Variants in MANBA observed in about 807,000 individuals in gnomAD.
MANBA encodes mannosidase beta, also known as beta-mannosidase.
In MANBA, 83 loss-of-function variants were observed where a neutral mutation model predicts 111.1. That is an observed-to-expected ratio of 0.75 (90% CI 0.63 to 0.90). The LOEUF (loss-of-function observed/expected upper bound fraction) is 0.90, where lower values mean the gene tolerates loss of function less well. Ranked by LOEUF, MANBA falls within the 40% of genes least tolerant of loss-of-function variation. The probability of loss-of-function intolerance (pLI) is 0.00; values close to 1 mark genes in which losing one functional copy is unlikely to be tolerated. For synonymous variants in MANBA, 370 were observed against 378.7 expected, an observed-to-expected ratio of 0.98 and a Z score of 0.27; for missense variants, 1,036 against 1,069.0, an observed-to-expected ratio of 0.97 and a Z score of 0.43.
intron 14 of MANBA, among the ~76,000 whole-genome samples, chr4:102,638,822 T>C (rs1287262282): frequency 6.6e-6 from 1 of 152,148 alleles, no homozygotes; most frequent in Non-Finnish European, 1.5e-5. Context: ...AATGAAAACA[T>C]GTTTGGAATG....
intron 1 of MANBA, 125 bp downstream of exon 1, chr4:102,760,593 G>A: frequency 9.4e-7 from 1 of 1,065,442 alleles, no homozygotes; most frequent in Non-Finnish European, 1.3e-6. Flanking sequence ...AAGATGCAAA[G>A]GGGAAGTTAC....
intron 5 of MANBA, among the ~76,000 whole-genome samples, chr4:102,711,684 T>A (rs569614779): frequency 3.0e-4 from 45 of 152,196 alleles, no homozygotes; most frequent in African/African-American, 1.0e-3. Flanking sequence ...CTATTCACAA[T>A]AGCAAAGATA....
chr4:102,704,224 CCT>C (rs929833699), intron 5 of MANBA, among the ~76,000 whole-genome samples: 4 of 152,172 alleles, frequency 2.6e-5, no homozygotes, highest in Non-Finnish European at 4.4e-5. Context: ...TTGCAATTCC[CCT>C]GTCTTGATAA....
At chr4:102,643,410 A>G (rs1204042105) in intron 13 of MANBA, among the ~76,000 whole-genome samples, 1 of 152,160 alleles carries the variant, frequency 6.6e-6, no homozygotes, top group African/African-American at 2.4e-5. Context: ...GAGTATATAT[A>G]CCTAAGAGTA....
chr4:102,635,037 G>T lies in MANBA; in HGVS notation c.2166C>A (p.Val722=). ...CGGGCTCCAGGGAGCTCCATGTATG[G>T]ACTCTCACCTGGGGAGAAATAAAAC... ...SDYSMTLSVR[V]HTWSSLEPVC... is the part of the protein sequence containing the mutation. The change falls in exon 16 of 17, where the codon GTC becomes GTA. Residue 722 remains valine, a synonymous_variant. Transcript: ENST00000647097. The T allele has an allele frequency of 6.2e-7, 1 of 1,614,106 alleles. No individual in the cohort carries two copies. Among genetic ancestry groups the T allele is most frequent in the Non-Finnish European group, 8.5e-7 (1 of 1,179,946 alleles).
intron 4 of MANBA, among the ~76,000 whole-genome samples, chr4:102,716,320 A>C (rs1385226238): frequency 6.6e-6 from 1 of 151,116 alleles, no homozygotes; most frequent in Non-Finnish European, 1.5e-5. Flanking sequence ...AAAAAAAAAA[A>C]AAAAAAAAAA....
intron 1 of MANBA, among the ~76,000 whole-genome samples, chr4:102,738,975 C>A (rs974904503): frequency 6.6e-6 from 1 of 151,692 alleles, no homozygotes; most frequent in Non-Finnish European, 1.5e-5. Context: ...AAAGTTTCAA[C>A]AATAGAATCG....
At chr4:102,650,922 T>C in intron 12 of MANBA, 2 of 512,628 alleles carry the variant, frequency 3.9e-6, no homozygotes, top group South Asian at 2.6e-5. Context: ...GGTACATATA[T>C]CCTCCCTTCC....
At chr4:102,671,138 A>G in intron 9 of MANBA, 143 bp downstream of exon 9, 1 of 668,100 alleles carries the variant, frequency 1.5e-6, no homozygotes, top group Non-Finnish European at 2.7e-6. Context: ...CTCTTGGTTT[A>G]CAAGATGCCA....
intron 5 of MANBA, among the ~76,000 whole-genome samples, chr4:102,701,636 T>C (rs1733051696): frequency 6.6e-6 from 1 of 151,722 alleles, no homozygotes; most frequent in Admixed American, 6.6e-5. Context: ...TTTGGCTGGA[T>C]ATGAAATTCT....
chr4:102,696,215 G>A (rs973492893), intron 5 of MANBA, among the ~76,000 whole-genome samples: 1 of 152,158 alleles, frequency 6.6e-6, no homozygotes, highest in African/African-American at 2.4e-5. Flanking sequence ...AACAGCATGA[G>A]ACTTTGTCTC....
chr4:102,633,598 T>A (rs995670768), intron 16 of MANBA: 4 of 395,528 alleles, frequency 1.0e-5, no homozygotes, highest in Non-Finnish European at 1.8e-5. Context: ...TCATTTTATC[T>A]CTTTAAGAAG....
At chr4:102,724,073 T>C (rs764798576) in intron 2 of MANBA, 106 bp from the exon 3 acceptor site, 2 of 698,824 alleles carry the variant, frequency 2.9e-6, no homozygotes, top group Non-Finnish European at 5.0e-6. Context: ...CCACAAAAAA[T>C]ATATGTTCTT....
At chr4:102,741,948 G>A (rs188248691) in intron 1 of MANBA, among the ~76,000 whole-genome samples, 1 of 152,306 alleles carries the variant, frequency 6.6e-6, no homozygotes, top group African/African-American at 2.4e-5. Context: ...CTTCATTCCT[G>A]AAGGGTCTGG....
At chr4:102,636,967 C>G (rs1186623396) in intron 14 of MANBA, among the ~76,000 whole-genome samples, 1 of 152,084 alleles carries the variant, frequency 6.6e-6, no homozygotes, top group Non-Finnish European at 1.5e-5. Flanking sequence ...GCAGGTCTTT[C>G]CTATGCTGTT....
At chr4:102,722,659 G>A (rs771795050) in intron 4 of MANBA, 24 of 571,080 alleles carry the variant, frequency 4.2e-5, no homozygotes, top group Middle Eastern at 4.7e-4. Flanking sequence ...TTCTGAACAC[G>A]CTTCAGGAAG....
At chr4:102,693,003 C>G (rs182643461) in intron 5 of MANBA, among the ~76,000 whole-genome samples, 3 of 152,254 alleles carry the variant, frequency 2.0e-5, no homozygotes, top group African/African-American at 7.2e-5. Flanking sequence ...TCCCATCAGC[C>G]AAAAGCATAG....
intron 12 of MANBA, among the ~76,000 whole-genome samples, chr4:102,653,651 A>G (rs1468496039): frequency 2.0e-5 from 3 of 152,214 alleles, no homozygotes; most frequent in Admixed American, 1.3e-4. Flanking sequence ...GAGATAACAA[A>G]TGATTCATAA....
intron 5 of MANBA, among the ~76,000 whole-genome samples, chr4:102,708,979 G>T (rs1248121229): frequency 1.3e-5 from 2 of 151,924 alleles, no homozygotes; most frequent in Admixed American, 6.6e-5. Flanking sequence ...AAAACATAGA[G>T]AAAATAGGTA....
Sources: allele counts gnomAD v4.1 joint callset (sites outside exome capture counted in the v4.1 genomes callset), GRCh38; gene constraint gnomAD v4.1.1; transcripts MANE v1.5; gene names NCBI Gene and HGNC (gene_info 2026-07-23, HGNC 2026-07-21).